Variants in CHUK observed in about 807,000 individuals in gnomAD.
CHUK encodes the protein inhibitor of nuclear factor kappa-B kinase subunit alpha.
In CHUK, 35 loss-of-function variants were observed where a neutral mutation model predicts 104.8. That is an observed-to-expected ratio of 0.33 (90% confidence interval 0.26 to 0.44). The LOEUF is 0.44. Ranked by LOEUF, CHUK falls within the 20% of genes least tolerant of loss-of-function variation. CHUK has a pLI of 1.00. For synonymous variants in CHUK, 276 were observed against 291.9 expected (o/e 0.95, Z 0.56); for missense variants, 663 against 902.7 (o/e 0.73, Z 3.40).
intron 1 of CHUK, among the ~76,000 whole-genome samples, chr10:100,227,810 C>G (rs1181552327): frequency 3.3e-5 from 5 of 152,156 alleles, no homozygotes; most frequent in Non-Finnish European, 7.4e-5. Context: ...CCCCAAATTA[C>G]GAGCTTTCTC....
chr10:100,228,861 C>A (rs1294667453), intron 1 of CHUK, among the ~76,000 whole-genome samples: 2 of 152,034 alleles, frequency 1.3e-5, no homozygotes, highest in African/African-American at 4.8e-5. Flanking sequence ...ACTGTCCCGA[C>A]CTGGAATACA....
intron 18 of CHUK, chr10:100,193,776 A>T (rs756985994): frequency 3.2e-6 from 2 of 624,372 alleles, no homozygotes; most frequent in African/African-American, 3.7e-5. Flanking sequence ...TAAGAGGAGT[A>T]TAACAACAGA....
chr10:100,222,693 T>C (rs923986177), intron 3 of CHUK, among the ~76,000 whole-genome samples, 173 bp downstream of exon 3: 21 of 152,194 alleles, frequency 1.4e-4, no homozygotes, highest in Non-Finnish European at 1.6e-4. Context: ...AAAGCAGCCA[T>C]AGACAATGTG....
chr10:100,193,975 A>C lies in CHUK; in HGVS notation c.1974+9T>G. On this transcript the variant is annotated intron_variant, in intron 18 of 20. Coordinates refer to ENST00000370397, the MANE Select transcript of CHUK (RefSeq NM_001278.5). ...TGTCACATTAAATAATTCATTAATA[A>C]TTACTTACACAGGCAATTTTAAGGA... 6.2e-7 allele frequency: 1 copy of C among 1,610,744 alleles called. No homozygotes were observed. Among genetic ancestry groups the C allele is most frequent in the South Asian group, 1.1e-5 (1 of 91,040 alleles).
intron 11 of CHUK, 57 bp downstream of exon 11, chr10:100,207,173 A>C: frequency 2.4e-6 from 2 of 835,324 alleles, no homozygotes; most frequent in Non-Finnish European, 2.1e-6. Flanking sequence ...TCATACTGAG[A>C]GTCAAAGTTA....
At position 100,189,432 on chromosome 10, in the gene CHUK, A is replaced by G. The variant is rs1845143095; in HGVS notation, c.*166T>C. Reference sequence around the variant, plus strand: ...GGCTTGAATTACTCAAAACTGTTATACTTGTAAAATCATGTTCTTCTGATC... The same window carrying G: ...GGCTTGAATTACTCAAAACTGTTATGCTTGTAAAATCATGTTCTTCTGATC... On this transcript the variant is annotated 3_prime_UTR_variant, in exon 21 of 21. Transcript: ENST00000370397. The G allele has an allele frequency of 1.6e-6, 1 of 639,456 alleles. No homozygotes were observed. Among genetic ancestry groups the G allele is most frequent in the Non-Finnish European group, 2.8e-6 (1 of 351,294 alleles). 39.6% of individuals were successfully genotyped at this position (639,456 alleles called of 1,614,324 possible). A position where few individuals can be genotyped will look rare whatever the true frequency, so the allele number is the denominator to read the frequency against.
At chr10:100,218,213 G>A (rs1845904925) in intron 8 of CHUK, 83 bp from the exon 9 acceptor site, 1 of 1,268,370 alleles carries the variant, frequency 7.9e-7, no homozygotes, top group Non-Finnish European at 1.1e-6. Context: ...AATTTTGCAG[G>A]TTGTCCATTT....
intron 2 of CHUK, 65 bp downstream of exon 2, chr10:100,225,858 T>C (rs376661525): frequency 7.6e-6 from 7 of 922,204 alleles, no homozygotes; most frequent in African/African-American, 1.6e-5. Context: ...CCTGGCCTCT[T>C]TCCCCATGAT....
In CHUK at chr10:100,209,779, A is replaced by G; in HGVS notation, c.944T>C (p.Ile315Thr). The G allele has an allele frequency of 7.3e-7, 1 of 1,371,008 alleles. No homozygotes were observed. The highest frequency in any genetic ancestry group is 1.0e-6 in the Non-Finnish European group (1 of 958,904). The allele number at this position is 1,371,008 out of a possible 1,614,324, so 84.9% of individuals were successfully genotyped here. The change falls in exon 10 of 21, where the codon ATC (isoleucine) becomes ACC (threonine). Residue 315 changes from isoleucine (I) to threonine (T), a missense_variant. Physicochemically the swap from Ile to Thr is moderately conservative, Grantham distance 89. This residue lies in a region of CHUK where 93 missense variants were observed against 95.9 expected (regional missense o/e 0.97). Coordinates refer to ENST00000370397, the MANE Select transcript of CHUK (RefSeq NM_001278.5). ...DHILNLKIVH[I>T]LNMTSAKIIS... is the part of the protein sequence containing the mutation. ...TATCTTTGCAGAAGTCATATTTAGG[A>G]TGTGTACTATCTGTATAAATAAGAA...
Position 100,199,069 on chromosome 10 carries a change from G to C in CHUK, c.1729+902C>G, listed in dbSNP as rs993810140. 3.9e-5 allele frequency among the ~76,000 whole-genome samples: 6 copies of C among 152,262 alleles called. No homozygotes were observed. The South Asian group carries it at 1.2e-3, about 32-fold the overall frequency. On this transcript the variant is annotated intron_variant, in intron 16 of 20. Coordinates refer to ENST00000370397, the MANE Select transcript of CHUK (RefSeq NM_001278.5). ...AAATGGGAAACGCAGATTTGCCTGA[G>C]GTAACGGTCAGTAAATTACTCAATC... is the stretch of plus-strand genomic sequence containing the variant.
chr10:100,216,067 A>T (rs1845848200), intron 9 of CHUK, among the ~76,000 whole-genome samples: 1 of 152,200 alleles, frequency 6.6e-6, no homozygotes, highest in Admixed American at 6.5e-5. Flanking sequence ...AGGTTCACAG[A>T]TAGGTAAATA....
At chr10:100,210,976 T>G (rs1845715206) in intron 9 of CHUK, among the ~76,000 whole-genome samples, 3 of 152,216 alleles carry the variant, frequency 2.0e-5, no homozygotes, top group Admixed American at 2.0e-4. Context: ...CATACGAAAT[T>G]AATGCCTACA....
At chr10:100,192,111 C>T (rs1845219603) in intron 19 of CHUK, among the ~76,000 whole-genome samples, 1 of 152,130 alleles carries the variant, frequency 6.6e-6, no homozygotes, top group African/African-American at 2.4e-5. Context: ...GAATGAGACT[C>T]CGTCTCAAAA....
chr10:100,223,013 A>T, intron 2 of CHUK, 33 bp from the exon 3 acceptor site: 1 of 1,091,084 alleles, frequency 9.2e-7, no homozygotes, highest in South Asian at 1.3e-5. Flanking sequence ...CAATAAAAAA[A>T]ATTATTTCCA....
intron 18 of CHUK, chr10:100,193,769 G>A (rs938273945): frequency 6.5e-6 from 4 of 616,204 alleles, no homozygotes; most frequent in African/African-American, 5.5e-5. Context: ...CAAGGGCTAA[G>A]AGGAGTATAA....
chr10:100,224,991 G>A (rs548889554), intron 2 of CHUK, among the ~76,000 whole-genome samples: 17 of 151,010 alleles, frequency 1.1e-4, no homozygotes, highest in Admixed American at 3.3e-4. Flanking sequence ...CTGGGACTAC[G>A]GGCATGCACC....
At chr10:100,201,144 C>T (rs1316410116) in intron 14 of CHUK, among the ~76,000 whole-genome samples, 1 of 152,056 alleles carries the variant, frequency 6.6e-6, no homozygotes, top group African/African-American at 2.4e-5. Flanking sequence ...TTGACTGCCC[C>T]CTGGTCCCCA....
At chr10:100,196,924 T>C (rs1845345866) in intron 16 of CHUK, among the ~76,000 whole-genome samples, 1 of 152,182 alleles carries the variant, frequency 6.6e-6, no homozygotes, top group Middle Eastern at 3.2e-3. Flanking sequence ...CCAATATCAA[T>C]AGTATCAAGG....
intron 16 of CHUK, among the ~76,000 whole-genome samples, chr10:100,198,914 A>G (rs1326817896): frequency 6.6e-6 from 1 of 152,204 alleles, no homozygotes; most frequent in African/African-American, 2.4e-5. Flanking sequence ...TAACTAAATG[A>G]TAATATCTTG....
Sources: allele counts gnomAD v4.1 joint callset (sites outside exome capture counted in the v4.1 genomes callset), GRCh38; gene constraint gnomAD v4.1.1; regional missense constraint gnomAD v4.1.1; transcripts MANE v1.5; gene names NCBI Gene and HGNC (gene_info 2026-07-23, HGNC 2026-07-21).